The following JADE3 variants were observed in gnomAD, a reference collection of about 807,000 sequenced individuals.
JADE3 encodes the protein protein Jade-3.
JADE3 carries 2 observed loss-of-function variants against 50.1 expected under a neutral mutation model. The observed-to-expected ratio is 0.04, with a 90% CI of 0.02 to 0.13. The LOEUF (loss-of-function observed/expected upper bound fraction) is 0.13, where lower values mean the gene tolerates loss of function less well. Ranked by LOEUF, JADE3 falls within the 10% of genes least tolerant of loss-of-function variation. The pLI is 1.00. For synonymous variants in JADE3, 218 were observed against 232.9 expected (o/e 0.94, Z 0.58); for missense variants, 475 against 634.4 (o/e 0.75, Z 2.70).
At chrX:47,019,021 C>T (rs149673021) in intron 4 of JADE3, among the ~76,000 whole-genome samples, 6,479 of 111,786 alleles carry the variant, frequency 0.058, 186 homozygotes, top group Non-Finnish European at 0.089. Context: ...AGATTTCTTA[C>T]AGGAGTCAGG....
intron 4 of JADE3, among the ~76,000 whole-genome samples, chrX:47,006,635 G>A (rs1928431459): frequency 9.2e-6 from 1 of 108,450 alleles, no homozygotes; most frequent in South Asian, 4.0e-4. Flanking sequence ...TTGATTCCTG[G>A]TCTTTATTAT....
chrX:46,921,463 C>T (rs1926219949), intron 1 of JADE3, among the ~76,000 whole-genome samples: 1 of 111,360 alleles, frequency 9.0e-6, no homozygotes, highest in African/African-American at 3.3e-5. Flanking sequence ...TTCCATCTCT[C>T]ACCATCAAGT....
At position 47,060,418 on chromosome X, in the gene JADE3, T is replaced by C. The variant is rs1174984169; in HGVS notation, c.*1341T>C. ...GGGAATATTCAGACAAAAGAGGCCA[T>C]TTTCCATTTTTAAAGCTTCTTACTG... On this transcript the variant is annotated 3_prime_UTR_variant, in exon 11 of 11. Coordinates refer to ENST00000614628, the MANE Select transcript of JADE3 (RefSeq NM_014735.5). 1 of 111,716 alleles carries C rather than the reference T, an allele frequency of 9.0e-6. No individual in the cohort carries two copies. The allele number at this position is 111,716 out of a possible 1,213,427, so 9.2% of individuals were successfully genotyped here. A position where few individuals can be genotyped will look rare whatever the true frequency, so the allele number is the denominator to read the frequency against.
intron 1 of JADE3, among the ~76,000 whole-genome samples, chrX:46,924,894 AT>A (rs1391095899): frequency 8.9e-6 from 1 of 111,891 alleles, no homozygotes; most frequent in Non-Finnish European, 1.9e-5. Flanking sequence ...TGTTTTTGTC[AT>A]TTTTGTTATC....
intron 4 of JADE3, among the ~76,000 whole-genome samples, chrX:47,005,031 G>A (rs1307408453): frequency 2.7e-5 from 3 of 111,531 alleles, no homozygotes; most frequent in Non-Finnish European, 5.6e-5. Context: ...ATCAGGAGAA[G>A]AAAGCAGAAC....
intron 1 of JADE3, among the ~76,000 whole-genome samples, chrX:46,984,418 G>A (rs868988537): frequency 7.1e-5 from 8 of 112,303 alleles, no homozygotes; most frequent in South Asian, 3.7e-4. Flanking sequence ...CAGTGTGGTC[G>A]TGTTCTTAAA....
Position 47,059,555 on chromosome X carries a change from A to G in JADE3, c.*478A>G, listed in dbSNP as rs889816410. The G allele has an allele frequency of 8.8e-6, 1 of 113,518 alleles. No individual in the cohort carries two copies. Among genetic ancestry groups the G allele is most frequent in the African/African-American group, 3.3e-5 (1 of 30,647 alleles). 9.4% of individuals were successfully genotyped at this position (113,518 alleles called of 1,213,427 possible). ...CCCTTTTCAGGGGAGAGACCAGGAGACCACCATCTTAGATACTGTCAAACT... is the reference window on the plus strand; with the variant it reads ...CCCTTTTCAGGGGAGAGACCAGGAGGCCACCATCTTAGATACTGTCAAACT... On this transcript the variant is annotated 3_prime_UTR_variant, in exon 11 of 11. Coordinates refer to ENST00000614628, the MANE Select transcript of JADE3 (RefSeq NM_014735.5).
At chrX:47,031,919 A>G (rs1351966098) in intron 6 of JADE3, among the ~76,000 whole-genome samples, 1 of 111,334 alleles carries the variant, frequency 9.0e-6, no homozygotes, top group Non-Finnish European at 1.9e-5. Flanking sequence ...GTACTTGGTG[A>G]GGGAAATTGC....
rs782195932 is a variant in JADE3, at chrX:46,990,928, A to G, written c.126+5136A>G. ...GATTTGCCTATTCTAGACATTTCAT[A>G]TAAATGGAATCATACAATACGTGCC... On this transcript the variant is annotated intron_variant, in intron 3 of 10. Coordinates refer to ENST00000614628, the MANE Select transcript of JADE3 (RefSeq NM_014735.5). Among the ~76,000 whole-genome samples, 3 of 110,075 alleles carry G rather than the reference A, an allele frequency of 2.7e-5. No individual in the cohort carries two copies. The South Asian group carries it at 1.2e-3, about 44-fold the overall frequency.
intron 1 of JADE3, among the ~76,000 whole-genome samples, chrX:46,960,335 G>A (rs1220118008): frequency 3.6e-5 from 4 of 112,054 alleles, no homozygotes; most frequent in African/African-American, 9.7e-5. Flanking sequence ...TTATTTTGGG[G>A]ATGGTTCTTG....
At chrX:46,921,285 C>T (rs1428594877) in intron 1 of JADE3, among the ~76,000 whole-genome samples, 17 of 112,053 alleles carry the variant, frequency 1.5e-4, no homozygotes, top group Admixed American at 1.0e-3. Context: ...TTGCTATGTT[C>T]CCCGGGCTGG....
chrX:46,978,693 T>C (rs1429183171), intron 1 of JADE3, among the ~76,000 whole-genome samples: 4 of 111,497 alleles, frequency 3.6e-5, no homozygotes. Context: ...AGATTGGGCT[T>C]AGAAGGGGCA....
chrX:47,018,395 G>A lies in JADE3; in HGVS notation c.285-6329G>A, dbSNP rs12852211. Reference sequence around the variant, plus strand: ...GTCACCCAGGCTGGAGTGCAGTGGCGCGATCTGGGCTCACTGCAAGCTCCG... The same window carrying A: ...GTCACCCAGGCTGGAGTGCAGTGGCACGATCTGGGCTCACTGCAAGCTCCG... On this transcript the variant is annotated intron_variant, in intron 4 of 10. Transcript: ENST00000614628. Among the ~76,000 whole-genome samples the A allele has an allele frequency of 2.0e-4, 22 of 108,910 alleles. 1 individual carries two copies. The highest frequency in any genetic ancestry group is 1.6e-3 in the Admixed American group (16 of 10,217). 94.6% of individuals were successfully genotyped at this position (108,910 alleles called of 115,157 possible).
chrX:46,980,833 T>C (rs1025884981), intron 1 of JADE3, among the ~76,000 whole-genome samples: 2 of 111,814 alleles, frequency 1.8e-5, no homozygotes, highest in South Asian at 7.5e-4. Context: ...CCTATGAATA[T>C]GTTAAGATTG....
At chrX:46,935,674 C>G (rs1372126455) in intron 1 of JADE3, among the ~76,000 whole-genome samples, 1 of 110,507 alleles carries the variant, frequency 9.0e-6, no homozygotes, top group Non-Finnish European at 1.9e-5. Flanking sequence ...ATCATCCTCC[C>G]TTCCCCCGTC....
rs180716416 is a variant in JADE3 at position 46,949,135 on chromosome X, C to T, written c.-11-35749C>T. ...TTTTTTTTTGGTAGAGATGGGGTTT[C>T]GCCATGTTGCCCAGGCTGGTCTCAA... On this transcript the variant is annotated intron_variant, in intron 1 of 10. Transcript: ENST00000614628. 6.4e-4 allele frequency among the ~76,000 whole-genome samples: 70 copies of T among 109,469 alleles called. 1 individual carries two copies. In the East Asian group the frequency reaches 0.019, roughly 29 times the overall value.
intron 1 of JADE3, among the ~76,000 whole-genome samples, chrX:46,924,363 G>A (rs1926309202): frequency 8.9e-6 from 1 of 112,315 alleles, no homozygotes; most frequent in Non-Finnish European, 1.9e-5. Context: ...TATATGCTCG[G>A]ATCCTGTGTC....
intron 6 of JADE3, among the ~76,000 whole-genome samples, chrX:47,032,032 G>T (rs1556366834): frequency 9.0e-6 from 1 of 111,042 alleles, no homozygotes; most frequent in Non-Finnish European, 1.9e-5. Flanking sequence ...GGGTCTGGAA[G>T]GGTGAGAAAG....
At chrX:46,964,311 C>T (rs868920161) in intron 1 of JADE3, among the ~76,000 whole-genome samples, 1 of 112,058 alleles carries the variant, frequency 8.9e-6, no homozygotes, top group African/African-American at 3.2e-5. Context: ...CTTGTGACTA[C>T]TTCAATACAA....
Sources: allele counts gnomAD v4.1 joint callset (sites outside exome capture counted in the v4.1 genomes callset), GRCh38; gene constraint gnomAD v4.1.1; transcripts MANE v1.5; gene names NCBI Gene and HGNC (gene_info 2026-07-23, HGNC 2026-07-21).